SLC28A1: variants seen among roughly 807,000 people sequenced by gnomAD.
The protein encoded by SLC28A1 is sodium/nucleoside cotransporter 1.
Under a neutral mutation model 74.8 loss-of-function variants are expected in SLC28A1, and 64 were observed. The observed-to-expected ratio is 0.86, with a 90% CI of 0.70 to 1.05. The LOEUF (loss-of-function observed/expected upper bound fraction) is 1.05, where lower values mean the gene tolerates loss of function less well. Among genes scored for constraint, SLC28A1 ranks in the 50% least tolerant of loss-of-function variants. SLC28A1 has a pLI of 0.00. For missense variants in SLC28A1, 828 were observed against 822.8 expected, an observed-to-expected ratio of 1.01 and a Z score of -0.08; for synonymous variants, 359 against 335.0, an observed-to-expected ratio of 1.07 and a Z score of -0.78.
At chr15:84,895,293 T>C in intron 6 of SLC28A1, 170 bp downstream of exon 6, 1 of 1,596,192 alleles carries the variant, frequency 6.3e-7, no homozygotes, top group Non-Finnish European at 8.6e-7. Context: ...GCAGCATCTT[T>C]GTGGTGTTTC....
rs1425742853 is a variant in SLC28A1, at chr15:84,895,204, T to TGGA, written c.461+91_461+93dup. On this transcript the variant is annotated intron_variant, in intron 6 of 18. Transcript: ENST00000394573. ...TTGGCTCCAGGGTTATGGCCAGGGC[T>TGGA]GGAGGAGGAGGAAGGCTCTGTGTCA... 4 of 1,588,558 alleles carry TGGA rather than the reference T, an allele frequency of 2.5e-6. No individual in the cohort carries two copies. The East Asian group carries it at 6.8e-5, about 27-fold the overall frequency.
chr15:84,887,640 G>C lies in SLC28A1; in HGVS notation c.-16-105G>C, dbSNP rs1225057254. 2.6e-6 allele frequency: 4 copies of C among 1,549,028 alleles called. No homozygotes were observed. In the African/African-American group the frequency reaches 4.1e-5, roughly 16 times the overall value. On this transcript the variant is annotated intron_variant, in intron 2 of 18. Transcript: ENST00000394573. Reference sequence around the variant, plus strand: ...CCAGGCAGGGCTCTGGCTGTGCCAGGCATCTGCTCCCCCCACTCAGTCCTC... The same window carrying C: ...CCAGGCAGGGCTCTGGCTGTGCCAGCCATCTGCTCCCCCCACTCAGTCCTC...
Position 84,886,347 on chromosome 15 carries a change from C to T in SLC28A1, c.-132-325C>T, listed in dbSNP as rs902685962. On this transcript the variant is annotated intron_variant, in intron 1 of 18. Coordinates refer to ENST00000394573, the MANE Select transcript of SLC28A1 (RefSeq NM_004213.5). Reference sequence around the variant, plus strand: ...TGAAAGATAAAATGCAAAAAGCTAACAGCCTGGCTGGGGAAAGGAGGCCAT... The same window carrying T: ...TGAAAGATAAAATGCAAAAAGCTAATAGCCTGGCTGGGGAAAGGAGGCCAT... 3 of 985,040 alleles carry T rather than the reference C, an allele frequency of 3.0e-6. No homozygotes were observed. In the South Asian group the frequency reaches 1.4e-4, roughly 46 times the overall value. The allele number at this position is 985,040 out of a possible 1,614,324, so 61.0% of individuals were successfully genotyped here.
chr15:84,926,013 A>G (rs1314682582), intron 12 of SLC28A1, among the ~76,000 whole-genome samples: 1 of 144,446 alleles, frequency 6.9e-6, no homozygotes, highest in Admixed American at 6.9e-5. Flanking sequence ...CAGTCTATTT[A>G]TTTTTTATTT....
chr15:84,888,073 G>A (rs994642472), intron 3 of SLC28A1, among the ~76,000 whole-genome samples: 1 of 152,116 alleles, frequency 6.6e-6, no homozygotes, highest in Non-Finnish European at 1.5e-5. Flanking sequence ...CATTGACTGA[G>A]CACGTACTGT....
intron 6 of SLC28A1, chr15:84,895,973 AT>A (rs1965961619): frequency 2.1e-6 from 2 of 966,972 alleles, no homozygotes. Context: ...CACATTTAAA[AT>A]TTTATTTATA....
chr15:84,922,130 C>T (rs1265445669), intron 11 of SLC28A1, among the ~76,000 whole-genome samples: 2 of 152,206 alleles, frequency 1.3e-5, no homozygotes, highest in South Asian at 4.1e-4. Context: ...AGGCCTGGGC[C>T]CTCTGCTCTT....
chr15:84,905,431 C>T, intron 7 of SLC28A1, 108 bp from the exon 8 acceptor site: 1 of 776,000 alleles, frequency 1.3e-6, no homozygotes, highest in African/African-American at 1.7e-5. Flanking sequence ...CTGCCTGGCT[C>T]CAGCCCCATC....
the SLC28A1 span, among the ~76,000 whole-genome samples, chr15:84,968,910 G>A: frequency 6.6e-6 from 1 of 152,264 alleles, no homozygotes; most frequent in East Asian, 1.9e-4. Context: ...ATCAGCCCGG[G>A]TAAGGGGAGA....
chr15:84,894,001 G>A (rs776062633), intron 5 of SLC28A1, among the ~76,000 whole-genome samples: 5 of 152,174 alleles, frequency 3.3e-5, no homozygotes, highest in Non-Finnish European at 7.3e-5. Context: ...CTTTATTCGT[G>A]ATGTTTCAGA....
At chr15:84,888,629 T>C in intron 3 of SLC28A1, 143 bp from the exon 4 acceptor site, 1 of 674,512 alleles carries the variant, frequency 1.5e-6, no homozygotes, top group Non-Finnish European at 2.7e-6. Flanking sequence ...CAGAATCCAG[T>C]TTAGTAGCCT....
At chr15:84,891,183 G>T (rs1055624939) in intron 5 of SLC28A1, among the ~76,000 whole-genome samples, 1 of 152,182 alleles carries the variant, frequency 6.6e-6, no homozygotes, top group Non-Finnish European at 1.5e-5. Flanking sequence ...ACCCTGGAAG[G>T]AGGGCAGGAA....
intron 13 of SLC28A1, among the ~76,000 whole-genome samples, chr15:84,933,477 T>A (rs1971544682): frequency 6.6e-6 from 1 of 152,122 alleles, no homozygotes; most frequent in Non-Finnish European, 1.5e-5. Context: ...ACTGGGTACT[T>A]TATAAAGAAT....
At chr15:84,974,805 G>C in the SLC28A1 span, among the ~76,000 whole-genome samples, 2 of 152,178 alleles carry the variant, frequency 1.3e-5, no homozygotes, top group Non-Finnish European at 2.9e-5. Context: ...GTCGGGGATT[G>C]TGAGGGAGGT....
intron 9 of SLC28A1, 96 bp from the exon 10 acceptor site, chr15:84,918,428 G>C: frequency 1.2e-6 from 1 of 868,262 alleles, no homozygotes; most frequent in Non-Finnish European, 2.0e-6. Context: ...GCAAGGCCTG[G>C]GATGGAGTGG....
the SLC28A1 span, among the ~76,000 whole-genome samples, chr15:84,952,766 G>A: frequency 6.6e-6 from 1 of 152,130 alleles, no homozygotes; most frequent in Non-Finnish European, 1.5e-5. Flanking sequence ...GTGCACGTCT[G>A]TAGTCCCAGC....
intron 12 of SLC28A1, among the ~76,000 whole-genome samples, chr15:84,932,802 G>A (rs1450557605): frequency 1.3e-5 from 2 of 152,182 alleles, no homozygotes; most frequent in African/African-American, 4.8e-5. Context: ...TGAACTTGGA[G>A]CCAAAAGATG....
chr15:84,923,416 C>T (rs889248276), intron 11 of SLC28A1, among the ~76,000 whole-genome samples: 1 of 152,076 alleles, frequency 6.6e-6, no homozygotes, highest in Non-Finnish European at 1.5e-5. Context: ...ATCCTGTCGA[C>T]GCCATGTTCC....
chr15:84,946,112 A>ATTTTTT (rs1165709632), downstream of SLC28A1, among the ~76,000 whole-genome samples: 41 of 13,476 alleles, frequency 3.0e-3, 10 homozygotes, highest in South Asian at 0.012. Flanking sequence ...ATATATATAT[A>ATTTTTT]TTTTTTTTTT....
Sources: gnomAD v4.1 joint callset for allele counts (sites outside exome capture counted in the v4.1 genomes callset) on GRCh38, gnomAD v4.1.1 for gene constraint, MANE v1.5 for transcripts, NCBI Gene and HGNC (gene_info 2026-07-23, HGNC 2026-07-21) for gene names.